G3BP2: variants seen among roughly 807,000 people sequenced by gnomAD.
G3BP2 encodes the protein G3BP stress granule assembly factor 2.
Under a neutral mutation model 56.7 loss-of-function variants are expected in G3BP2, and 11 were observed. That is an observed-to-expected ratio of 0.19 (90% CI 0.12 to 0.32). The LOEUF (loss-of-function observed/expected upper bound fraction) is 0.32. G3BP2 is among the 10% of genes least tolerant of loss of function. G3BP2 has a pLI of 1.00. For synonymous variants in G3BP2, 165 were observed against 191.6 expected (o/e 0.86, Z 1.15); for missense variants, 340 against 610.9 (o/e 0.56, Z 4.67).
chr4:75,655,088 G>A lies in G3BP2; in HGVS notation c.704C>T (p.Ser235Phe). ...STTPPPAEPV[S>F]LPQEPPKAFS... ...AACCTTTGGTGGTTCTTGTGGCAGA[G>A]AAACAGGTTCTGCCGGAGGAGGAGT... The change falls in exon 7 of 12, where the codon TCT becomes TTT. Residue 235 changes from serine to phenylalanine, a missense_variant. Coordinates refer to ENST00000359707, the MANE Select transcript of G3BP2 (RefSeq NM_203505.3). 1 of 1,612,062 alleles carries A rather than the reference G, an allele frequency of 6.2e-7. No homozygotes were observed. Among genetic ancestry groups the A allele is most frequent in the African/African-American group, 1.3e-5 (1 of 74,896 alleles).
intron 3 of G3BP2, chr4:75,694,679 A>C: frequency 1.4e-6 from 1 of 695,514 alleles, no homozygotes; most frequent in Non-Finnish European, 1.8e-6. Flanking sequence ...CGGCGGTTGC[A>C]GTGAGCCAAG....
At chr4:75,690,616 C>T (rs1449725061) in intron 3 of G3BP2, among the ~76,000 whole-genome samples, 1 of 152,078 alleles carries the variant, frequency 6.6e-6, no homozygotes, top group African/African-American at 2.4e-5. Flanking sequence ...CTGTCGCCCC[C>T]ACTGGAGTAC....
chr4:75,706,852 G>A (rs908716022), intron 3 of G3BP2, among the ~76,000 whole-genome samples: 13 of 152,096 alleles, frequency 8.5e-5, no homozygotes, highest in African/African-American at 3.1e-4. Flanking sequence ...GAGTGGAAAG[G>A]ACTATTATGC....
At chr4:75,695,188 T>A (rs1719051884) in intron 3 of G3BP2, among the ~76,000 whole-genome samples, 2 of 152,160 alleles carry the variant, frequency 1.3e-5, no homozygotes, top group Non-Finnish European at 2.9e-5. Context: ...GTGAAGTTAC[T>A]GGGCAGTAAT....
At chr4:75,707,599 G>C (rs534759401) in intron 3 of G3BP2, among the ~76,000 whole-genome samples, 1,146 of 87,660 alleles carry the variant, frequency 0.013, 20 homozygotes, top group African/African-American at 0.048. Context: ...GACAGAGCGA[G>C]ACTCAAAAAA....
At chr4:75,665,397 A>C (rs997672628) in intron 1 of G3BP2, among the ~76,000 whole-genome samples, 1 of 152,200 alleles carries the variant, frequency 6.6e-6, no homozygotes, top group Non-Finnish European at 1.5e-5. Context: ...AGAAAACTTA[A>C]AACTCCCAAT....
chr4:75,657,073 C>A (rs1732173226), intron 4 of G3BP2, 59 bp from the exon 5 acceptor site: 4 of 717,210 alleles, frequency 5.6e-6, no homozygotes, highest in Non-Finnish European at 9.5e-6. Context: ...TATAAAAGAG[C>A]AAATTACATG....
intron 1 of G3BP2, among the ~76,000 whole-genome samples, chr4:75,671,242 T>C (rs1407477067): frequency 6.6e-6 from 1 of 152,152 alleles, no homozygotes; most frequent in Non-Finnish European, 1.5e-5. Context: ...CCTTTCAAAA[T>C]CAACATTGAA....
intron 3 of G3BP2, among the ~76,000 whole-genome samples, chr4:75,691,515 T>C (rs939774129): frequency 1.3e-5 from 2 of 152,206 alleles, no homozygotes; most frequent in Non-Finnish European, 2.9e-5. Context: ...ATCCCAAAGG[T>C]ACATTTTCAT....
At chr4:75,666,863 G>A (rs995996934) in intron 1 of G3BP2, among the ~76,000 whole-genome samples, 2 of 152,088 alleles carry the variant, frequency 1.3e-5, no homozygotes, top group African/African-American at 4.8e-5. Context: ...TCTGAATATG[G>A]GAGTAAAAGG....
At chr4:75,659,543 A>T (rs1732381315) in intron 2 of G3BP2, among the ~76,000 whole-genome samples, 1 of 152,232 alleles carries the variant, frequency 6.6e-6, no homozygotes, top group African/African-American at 2.4e-5. Context: ...ATTAGAATTA[A>T]CATCTTTCTA....
intron 1 of G3BP2, among the ~76,000 whole-genome samples, chr4:75,665,656 A>AACAC (rs368331407): frequency 3.6e-4 from 26 of 73,142 alleles, no homozygotes; most frequent in South Asian, 1.3e-3. Flanking sequence ...CACACAAACA[A>AACAC]ACACACACAC....
intron 3 of G3BP2, among the ~76,000 whole-genome samples, chr4:75,693,652 G>A (rs1024151752): frequency 3.9e-5 from 6 of 151,922 alleles, no homozygotes; most frequent in African/African-American, 9.7e-5. Context: ...AGCTGGGCGC[G>A]GTGGCGGGCA....
At chr4:75,651,039 C>T (rs902889704) in intron 8 of G3BP2, among the ~76,000 whole-genome samples, 4 of 152,164 alleles carry the variant, frequency 2.6e-5, no homozygotes, top group African/African-American at 9.7e-5. Context: ...AGCCCTGAGA[C>T]CACCGCTATC....
rs149053660 is a variant in G3BP2 at position 75,681,848 on chromosome 4, CAA to C, written c.-24-19801_-24-19800del. 2.0e-3 allele frequency among the ~76,000 whole-genome samples: 230 copies of C among 117,414 alleles called. 1 individual carries two copies. Among genetic ancestry groups the C allele is most frequent in the African/African-American group, 6.7e-3 (206 of 30,942 alleles). 77.0% of individuals were successfully genotyped at this position (117,414 alleles called of 152,430 possible). A position where few individuals can be genotyped will look rare whatever the true frequency, so the allele number is the denominator to read the frequency against. ...TGGGCAACAGAGCAAGACTCCATCT[CAA>C]AAAAAAAAAAAAAGAAAAATTATAA... On this transcript the variant is annotated intron_variant, in intron 3 of 3. Transcript: ENST00000499709.
intron 3 of G3BP2, among the ~76,000 whole-genome samples, chr4:75,681,741 C>G (rs929230351): frequency 6.7e-6 from 1 of 149,768 alleles, no homozygotes; most frequent in Non-Finnish European, 1.5e-5. Context: ...CCCAGCTACT[C>G]GGGAGGCTGA....
upstream of G3BP2, among the ~76,000 whole-genome samples, chr4:75,677,290 C>T (rs916103563): frequency 3.9e-5 from 6 of 152,188 alleles, no homozygotes; most frequent in East Asian, 5.8e-4. Context: ...TGACTACATG[C>T]GGCTGGGCGC....
upstream of G3BP2, among the ~76,000 whole-genome samples, chr4:75,675,214 T>A (rs1227122052): frequency 6.6e-6 from 1 of 152,204 alleles, no homozygotes; most frequent in Non-Finnish European, 1.5e-5. Context: ...AATTCACTTA[T>A]CTGCCCTACT....
intron 3 of G3BP2, among the ~76,000 whole-genome samples, chr4:75,698,350 G>C (rs1244254555): frequency 6.6e-6 from 1 of 152,152 alleles, no homozygotes; most frequent in African/African-American, 2.4e-5. Context: ...GTGGCTTCTA[G>C]AATCTGGGAA....
Sources: gnomAD v4.1 joint callset for allele counts (sites outside exome capture counted in the v4.1 genomes callset) on GRCh38, gnomAD v4.1.1 for gene constraint, MANE v1.5 for transcripts, NCBI Gene and HGNC (gene_info 2026-07-23, HGNC 2026-07-21) for gene names.